The following RAP1GAP2 variants were observed in gnomAD, a reference collection of about 807,000 sequenced individuals.
RAP1GAP2 encodes rap1 GTPase-activating protein 2.
RAP1GAP2 carries 27 observed loss-of-function variants against 95.0 expected under a neutral mutation model. The observed-to-expected ratio is 0.28, with a 90% confidence interval of 0.21 to 0.39. RAP1GAP2 has a LOEUF of 0.39. Among genes scored for constraint, RAP1GAP2 ranks in the 10% least tolerant of loss-of-function variants. The pLI is 1.00. For synonymous variants in RAP1GAP2, 373 were observed against 380.9 expected, an observed-to-expected ratio of 0.98 and a Z score of 0.24; for missense variants, 771 against 970.0, an observed-to-expected ratio of 0.79 and a Z score of 2.72.
chr17:2,955,420 T>A (rs144685395), intron 3 of RAP1GAP2, among the ~76,000 whole-genome samples: 8 of 152,330 alleles, frequency 5.3e-5, no homozygotes, highest in African/African-American at 1.9e-4. Context: ...CCTTTGTATG[T>A]CTTCTTTGGG....
chr17:2,822,305 G>A (rs146073406), intron 2 of RAP1GAP2, among the ~76,000 whole-genome samples: 1 of 152,124 alleles, frequency 6.6e-6, no homozygotes, highest in East Asian at 1.9e-4. Context: ...GGTCTTTGCC[G>A]ATTGCCATTA....
At chr17:2,995,249 G>T in intron 12 of RAP1GAP2, 88 bp from the exon 13 acceptor site, 1 of 1,471,820 alleles carries the variant, frequency 6.8e-7, no homozygotes, top group Non-Finnish European at 9.4e-7. Context: ...CGTATCCTCT[G>T]CTGCGTATAC....
intron 19 of RAP1GAP2, among the ~76,000 whole-genome samples, chr17:3,023,293 C>T (rs1170614874): frequency 6.6e-6 from 1 of 152,172 alleles, no homozygotes; most frequent in African/African-American, 2.4e-5. Flanking sequence ...CCCATTTGTT[C>T]TTTATTTCAG....
chr17:2,833,235 T>C (rs1484404852), intron 2 of RAP1GAP2, among the ~76,000 whole-genome samples: 2 of 150,242 alleles, frequency 1.3e-5, no homozygotes, highest in East Asian at 4.3e-4. Context: ...CTCTGCCTCC[T>C]GGGTTCAAGC....
chr17:2,946,998 G>A lies in RAP1GAP2; in HGVS notation c.166-10761G>A, dbSNP rs535367744. On this transcript the variant is annotated intron_variant, in intron 3 of 24. Coordinates refer to ENST00000254695, the MANE Select transcript of RAP1GAP2 (RefSeq NM_015085.5). ...TTGAACGCCTGACCCCAGGTGATCCGCCCGCCTTGGCCTCCCAAAGTGTTG... is the reference window on the plus strand; with the variant it reads ...TTGAACGCCTGACCCCAGGTGATCCACCCGCCTTGGCCTCCCAAAGTGTTG... Among the ~76,000 whole-genome samples the A allele has an allele frequency of 2.1e-4, 32 of 152,208 alleles. 1 individual carries two copies. In the South Asian group the frequency reaches 5.2e-3, roughly 25 times the overall value.
At chr17:3,025,175 G>A (rs1191802921) in intron 19 of RAP1GAP2, among the ~76,000 whole-genome samples, 1 of 152,144 alleles carries the variant, frequency 6.6e-6, no homozygotes, top group Non-Finnish European at 1.5e-5. Context: ...TCAGGAGTTC[G>A]AGACCAGCTT....
At chr17:3,025,355 C>G (rs1007245133) in intron 19 of RAP1GAP2, among the ~76,000 whole-genome samples, 8 of 152,176 alleles carry the variant, frequency 5.3e-5, no homozygotes, top group African/African-American at 1.9e-4. Context: ...CCAGCCTGGG[C>G]AACAGAGCGA....
At chr17:2,924,352 G>A (rs141028317) in intron 3 of RAP1GAP2, among the ~76,000 whole-genome samples, 199 of 152,266 alleles carry the variant, frequency 1.3e-3, no homozygotes, top group African/African-American at 4.5e-3. Context: ...TCCCGGGAGC[G>A]AATAGGGTTT....
chr17:2,952,760 T>C (rs2043962813), intron 3 of RAP1GAP2, among the ~76,000 whole-genome samples: 1 of 152,196 alleles, frequency 6.6e-6, no homozygotes, highest in Admixed American at 6.5e-5. Context: ...CATTGGTTAT[T>C]TTATGTGTGT....
chr17:3,026,671 G>T (rs1207315588), intron 21 of RAP1GAP2, among the ~76,000 whole-genome samples: 2 of 152,254 alleles, frequency 1.3e-5, no homozygotes, highest in South Asian at 2.1e-4. Context: ...TGACATAGCA[G>T]CAGCAGAGGG....
At position 2,897,117 on chromosome 17, in the gene RAP1GAP2, G is replaced by A. The variant is rs182075588; in HGVS notation, c.81-8167G>A. 1.7e-3 allele frequency among the ~76,000 whole-genome samples: 254 copies of A among 152,200 alleles called. 1 individual carries two copies. The highest frequency in any genetic ancestry group is 1.6e-3 in the Non-Finnish European group (107 of 67,990). On this transcript the variant is annotated intron_variant, in intron 2 of 24. Transcript: ENST00000254695. ...TTTGGGAGGCTGAGGCGGGTAGATC[G>A]CCTGAGGTCAGGAGTTCGAGACCAG... is the stretch of plus-strand genomic sequence containing the variant.
rs147088891 is a variant in RAP1GAP2 at position 2,897,256 on chromosome 17, G to A, written c.81-8028G>A. ...GGGAGGCTGAGGCAGGAGAATTGCCGGAACCCAGGAGGCGGAGGCTGCAGT... is the reference window on the plus strand; with the variant it reads ...GGGAGGCTGAGGCAGGAGAATTGCCAGAACCCAGGAGGCGGAGGCTGCAGT... On this transcript the variant is annotated intron_variant, in intron 2 of 24. Coordinates refer to ENST00000254695, the MANE Select transcript of RAP1GAP2 (RefSeq NM_015085.5). Among the ~76,000 whole-genome samples, 1,366 of 152,054 alleles carry A rather than the reference G, an allele frequency of 9.0e-3. 20 individuals are homozygous for A. Among genetic ancestry groups the A allele is most frequent in the African/African-American group, 0.03 (1,260 of 41,508 alleles).
chr17:3,011,266 C>T (rs954534165), intron 17 of RAP1GAP2, among the ~76,000 whole-genome samples: 2 of 152,114 alleles, frequency 1.3e-5, no homozygotes, highest in African/African-American at 2.4e-5. Flanking sequence ...CTGGGGAGCA[C>T]GAGCTCCTGT....
intron 1 of RAP1GAP2, among the ~76,000 whole-genome samples, chr17:2,787,003 C>T (rs1267895829): frequency 1.5e-5 from 2 of 134,200 alleles, no homozygotes; most frequent in Non-Finnish European, 3.0e-5. Flanking sequence ...CAGGCTGGTG[C>T]GCAGGGGCGC....
chr17:2,876,017 A>C (rs1174958994), intron 2 of RAP1GAP2, among the ~76,000 whole-genome samples: 2 of 150,092 alleles, frequency 1.3e-5, no homozygotes, highest in East Asian at 3.9e-4. Context: ...GGCTCACCAC[A>C]ATCTCCGCCC....
chr17:2,959,626 A>G (rs1015771073), intron 4 of RAP1GAP2, among the ~76,000 whole-genome samples: 13 of 152,184 alleles, frequency 8.5e-5, no homozygotes, highest in Non-Finnish European at 5.9e-5. Flanking sequence ...TCACTTAGCT[A>G]GTTGTGAAGA....
At chr17:2,875,207 C>T (rs908865242) in intron 2 of RAP1GAP2, among the ~76,000 whole-genome samples, 1 of 152,138 alleles carries the variant, frequency 6.6e-6, no homozygotes. Flanking sequence ...GCTGAGATTA[C>T]AGGCGTGCAC....
intron 13 of RAP1GAP2, among the ~76,000 whole-genome samples, chr17:2,996,661 C>T (rs983797169): frequency 3.9e-5 from 6 of 152,264 alleles, no homozygotes; most frequent in African/African-American, 1.4e-4. Flanking sequence ...CCGGCCTGGG[C>T]CTGAGGCCTG....
intron 3 of RAP1GAP2, among the ~76,000 whole-genome samples, chr17:2,953,675 T>C (rs947038623): frequency 3.3e-5 from 5 of 152,038 alleles, no homozygotes; most frequent in Admixed American, 2.0e-4. Flanking sequence ...GGTGAAACCC[T>C]GTCTCTACCA....
Sources: allele counts gnomAD v4.1 joint callset (sites outside exome capture counted in the v4.1 genomes callset), GRCh38; gene constraint gnomAD v4.1.1; transcripts MANE v1.5; gene names NCBI Gene and HGNC (gene_info 2026-07-23, HGNC 2026-07-21).